The following ROBO2 variants were observed in gnomAD, a reference collection of about 807,000 sequenced individuals.
ROBO2 encodes the protein roundabout guidance receptor 2.
ROBO2 carries 53 observed loss-of-function variants against 160.8 expected under a neutral mutation model. The observed-to-expected ratio is 0.33, with a 90% CI of 0.26 to 0.41. The LOEUF is 0.41. Among genes scored for constraint, ROBO2 ranks in the 10% least tolerant of loss-of-function variants. The pLI, the probability that ROBO2 is intolerant of heterozygous loss-of-function variation, is 1.00. For synonymous variants in ROBO2, 664 were observed against 611.7 expected (o/e 1.09, Z -1.26); for missense variants, 1,577 against 1,722.4 (o/e 0.92, Z 1.49).
intron 2 of ROBO2, among the ~76,000 whole-genome samples, chr3:75,938,502 C>A (rs1199662360): frequency 2.0e-5 from 3 of 151,960 alleles, no homozygotes; most frequent in Non-Finnish European, 4.4e-5. Context: ...ATTTTTAAGG[C>A]TTGAAATGAA....
chr3:77,335,917 G>A (rs760296398), intron 2 of ROBO2, among the ~76,000 whole-genome samples: 28 of 152,260 alleles, frequency 1.8e-4, no homozygotes, highest in South Asian at 8.3e-4. Flanking sequence ...CTAATGGTTT[G>A]ATGGGGAGAA....
At chr3:76,894,895 C>T (rs1007397655) in intron 2 of ROBO2, among the ~76,000 whole-genome samples, 1 of 152,052 alleles carries the variant, frequency 6.6e-6, no homozygotes, top group Non-Finnish European at 1.5e-5. Flanking sequence ...TGGAATTGTA[C>T]TTGCATGGAA....
At chr3:76,320,666 G>A (rs139920743) in intron 2 of ROBO2, among the ~76,000 whole-genome samples, 2,156 of 152,240 alleles carry the variant, frequency 0.014, 47 homozygotes, top group African/African-American at 0.049. Flanking sequence ...ATCCATAGAG[G>A]CCTAAGAATT....
chr3:76,871,211 C>G (rs1372237541), intron 2 of ROBO2, among the ~76,000 whole-genome samples: 1 of 152,156 alleles, frequency 6.6e-6, no homozygotes, highest in East Asian at 1.9e-4. Context: ...TTTTTAACAC[C>G]TCTGCACTTT....
rs574455608 is a variant in ROBO2, at chr3:76,455,140, G to A, written c.109+517538G>A. ...TTCACCATGGAATGTTTTCATTGTA[G>A]GATATTTCATGTCATTTTTGTTGCC... On this transcript the variant is annotated intron_variant, in intron 2 of 26. Transcript: ENST00000487694. 6.6e-5 allele frequency among the ~76,000 whole-genome samples: 10 copies of A among 152,186 alleles called. No homozygotes were observed. The South Asian group carries it at 2.1e-3, about 32-fold the overall frequency.
At chr3:76,702,670 C>A (rs1369056866) in intron 2 of ROBO2, among the ~76,000 whole-genome samples, 2 of 150,714 alleles carry the variant, frequency 1.3e-5, no homozygotes, top group Non-Finnish European at 1.5e-5. Context: ...ACAAAATGAA[C>A]GTTATATAAT....
At chr3:76,519,487 C>T (rs578207628) in intron 2 of ROBO2, among the ~76,000 whole-genome samples, 73 of 152,286 alleles carry the variant, frequency 4.8e-4, no homozygotes, top group Middle Eastern at 3.4e-3. Flanking sequence ...TCTGCAATTA[C>T]CTAGCAAAGC....
chr3:77,086,151 T>C (rs763930671), intron 1 of ROBO2, among the ~76,000 whole-genome samples: 2 of 152,114 alleles, frequency 1.3e-5, no homozygotes, highest in Non-Finnish European at 2.9e-5. Flanking sequence ...AAGGCCGTTA[T>C]CTTATAGATC....
At chr3:77,459,191 C>CT in intron 2 of ROBO2, among the ~76,000 whole-genome samples, 1 of 152,164 alleles carries the variant, frequency 6.6e-6, no homozygotes, top group East Asian at 1.9e-4. Flanking sequence ...TAGTTTTTAC[C>CT]TTTGAAAATA....
intron 9 of ROBO2, among the ~76,000 whole-genome samples, chr3:77,558,963 C>T (rs2093227719): frequency 1.3e-5 from 2 of 152,174 alleles, no homozygotes; most frequent in Non-Finnish European, 2.9e-5. Context: ...GTTGCCGTCT[C>T]ATCTGAAGAT....
chr3:77,095,710 A>G (rs947713941), intron 1 of ROBO2, among the ~76,000 whole-genome samples: 1 of 152,172 alleles, frequency 6.6e-6, no homozygotes, highest in Admixed American at 6.5e-5. Context: ...CATTGAGAAT[A>G]TGTTTCTGAT....
At chr3:76,007,750 G>A in intron 2 of ROBO2, among the ~76,000 whole-genome samples, 1 of 152,064 alleles carries the variant, frequency 6.6e-6, no homozygotes, top group Non-Finnish European at 1.5e-5. Flanking sequence ...AAGACATGGA[G>A]AAATTTATTT....
chr3:76,692,270 T>A (rs563514029), intron 2 of ROBO2, among the ~76,000 whole-genome samples: 44 of 152,054 alleles, frequency 2.9e-4, no homozygotes, highest in Non-Finnish European at 4.7e-4. Context: ...ATTCTTTGGA[T>A]TAGTATATGA....
At chr3:75,919,035 C>A (rs1215941231) in intron 1 of ROBO2, among the ~76,000 whole-genome samples, 2 of 152,092 alleles carry the variant, frequency 1.3e-5, no homozygotes, top group African/African-American at 4.8e-5. Flanking sequence ...TTATTTCTTT[C>A]TCTTGCTTGA....
chr3:76,727,990 A>G (rs954203774), intron 2 of ROBO2, among the ~76,000 whole-genome samples: 1 of 152,172 alleles, frequency 6.6e-6, no homozygotes. Context: ...CATTGTATGC[A>G]TGTATCAAAA....
intron 2 of ROBO2, among the ~76,000 whole-genome samples, chr3:76,917,142 G>T (rs993210340): frequency 3.9e-5 from 6 of 152,174 alleles, no homozygotes; most frequent in African/African-American, 7.2e-5. Flanking sequence ...GGAGAATGCT[G>T]CTGCTTGGCA....
At chr3:77,049,702 G>C (rs2149682588) in intron 1 of ROBO2, among the ~76,000 whole-genome samples, 1 of 152,300 alleles carries the variant, frequency 6.6e-6, no homozygotes, top group South Asian at 2.1e-4. Context: ...TTTAATTTCT[G>C]TTGTAAGGAT....
chr3:77,409,118 T>C (rs1429927093), intron 2 of ROBO2, among the ~76,000 whole-genome samples: 1 of 148,406 alleles, frequency 6.7e-6, no homozygotes, highest in African/African-American at 2.5e-5. Flanking sequence ...TATATATATA[T>C]ATATAGTCTT....
At chr3:77,563,132 T>G in intron 10 of ROBO2, 35 bp from the exon 12 acceptor site, 1 of 1,607,846 alleles carries the variant, frequency 6.2e-7, no homozygotes, top group Admixed American at 1.7e-5. Context: ...ACTTATGCAA[T>G]CAGGAATGAA....
Sources: gnomAD v4.1 joint callset for allele counts (sites outside exome capture counted in the v4.1 genomes callset) on GRCh38, gnomAD v4.1.1 for gene constraint, MANE v1.5 for transcripts, NCBI Gene and HGNC (gene_info 2026-07-23, HGNC 2026-07-21) for gene names.